Variants in GALNT13 observed in about 807,000 individuals in gnomAD.
GALNT13 encodes UDP-GalNAc:polypeptide N-acetylgalactosaminyltransferase 13.
In GALNT13, 28 loss-of-function variants were observed where a neutral mutation model predicts 64.2. The observed-to-expected ratio is 0.44, with a 90% CI of 0.32 to 0.60. GALNT13 has a LOEUF of 0.60. Ranked by LOEUF, GALNT13 falls within the 20% of genes least tolerant of loss-of-function variation. The probability of loss-of-function intolerance (pLI) is 0.05; values close to 1 mark genes in which losing one functional copy is unlikely to be tolerated. For synonymous variants in GALNT13, 214 were observed against 224.6 expected, an observed-to-expected ratio of 0.95 and a Z score of 0.42; for missense variants, 577 against 669.8, an observed-to-expected ratio of 0.86 and a Z score of 1.53.
the GALNT13 span, among the ~76,000 whole-genome samples, chr2:153,227,173 G>C: frequency 6.6e-6 from 1 of 152,186 alleles, no homozygotes; most frequent in Admixed American, 6.5e-5. Context: ...ATTTGCCAGA[G>C]GGAATGAAGA....
intron 4 of GALNT13, among the ~76,000 whole-genome samples, chr2:154,163,190 T>G (rs575015765): frequency 7.3e-6 from 1 of 136,260 alleles, no homozygotes. Flanking sequence ...GGTCCATGTG[T>G]TCTCATTGTT....
At chr2:154,415,200 CATTT>C (rs1276498504) in intron 11 of GALNT13, among the ~76,000 whole-genome samples, 1 of 151,134 alleles carries the variant, frequency 6.6e-6, no homozygotes, top group Admixed American at 6.6e-5. Flanking sequence ...ATTAACATAA[CATTT>C]ATAACATAAA....
chr2:154,362,607 A>G (rs183468876), intron 9 of GALNT13, among the ~76,000 whole-genome samples: 20 of 152,248 alleles, frequency 1.3e-4, no homozygotes, highest in Non-Finnish European at 2.5e-4. Flanking sequence ...CAAATGCAAG[A>G]GAAAACTTGA....
At chr2:153,753,816 A>G in the GALNT13 span, among the ~76,000 whole-genome samples, 1 of 152,168 alleles carries the variant, frequency 6.6e-6, no homozygotes, top group Non-Finnish European at 1.5e-5. Context: ...GTCCTGCAGG[A>G]CCTAGGCAGG....
chr2:153,116,859 G>A, the GALNT13 span, among the ~76,000 whole-genome samples: 7 of 148,940 alleles, frequency 4.7e-5, no homozygotes, highest in African/African-American at 1.7e-4. Flanking sequence ...GAGTGCAGGG[G>A]CGCGATCTTG....
intron 9 of GALNT13, among the ~76,000 whole-genome samples, chr2:154,304,452 G>A (rs1210442385): frequency 1.3e-5 from 2 of 152,200 alleles, no homozygotes; most frequent in African/African-American, 4.8e-5. Context: ...GGAAAAAAGT[G>A]TGTTATGTGT....
chr2:154,046,091 T>G (rs1164605864), intron 3 of GALNT13, among the ~76,000 whole-genome samples: 1 of 152,020 alleles, frequency 6.6e-6, no homozygotes, highest in Admixed American at 6.6e-5. Context: ...GAGGATCACT[T>G]GAGACCAGGA....
At chr2:153,804,844 T>C in the GALNT13 span, among the ~76,000 whole-genome samples, 1 of 152,126 alleles carries the variant, frequency 6.6e-6, no homozygotes, top group Non-Finnish European at 1.5e-5. Flanking sequence ...ATATAAAATA[T>C]GCAATTTTAC....
chr2:154,022,016 C>T (rs554242648), intron 3 of GALNT13, among the ~76,000 whole-genome samples: 44 of 152,176 alleles, frequency 2.9e-4, no homozygotes, highest in Non-Finnish European at 5.0e-4. Context: ...TATTGATTTG[C>T]GTATGTTGAA....
chr2:153,684,753 G>A, the GALNT13 span, among the ~76,000 whole-genome samples: 1 of 151,516 alleles, frequency 6.6e-6, no homozygotes, highest in Non-Finnish European at 1.5e-5. Flanking sequence ...CATCACCCAG[G>A]TATTAAGCCT....
the GALNT13 span, among the ~76,000 whole-genome samples, chr2:153,719,341 T>C: frequency 6.6e-6 from 1 of 152,210 alleles, no homozygotes; most frequent in East Asian, 1.9e-4. Flanking sequence ...AACATTTTCC[T>C]GAGGGCTACA....
intron 9 of GALNT13, among the ~76,000 whole-genome samples, chr2:154,376,586 A>G (rs2105322785): frequency 6.6e-6 from 1 of 152,276 alleles, no homozygotes; most frequent in South Asian, 2.1e-4. Context: ...TTAAATTTAT[A>G]TAGAAGTCAA....
intron 3 of GALNT13, among the ~76,000 whole-genome samples, chr2:154,133,538 A>G (rs1190142512): frequency 8.2e-4 from 8 of 9,698 alleles, no homozygotes; most frequent in East Asian, 3.3e-3. Context: ...ACCATTTTAT[A>G]TATATATATA....
the GALNT13 span, among the ~76,000 whole-genome samples, chr2:153,437,325 G>A: frequency 6.6e-6 from 1 of 152,178 alleles, no homozygotes; most frequent in Non-Finnish European, 1.5e-5. Context: ...GGAGAGTTCT[G>A]TAGATGTCTA....
intron 2 of GALNT13, among the ~76,000 whole-genome samples, chr2:153,912,264 A>G (rs1199379315): frequency 1.3e-5 from 2 of 152,028 alleles, no homozygotes; most frequent in Non-Finnish European, 2.9e-5. Context: ...GGTCAGCTTC[A>G]TGCTTTTCTA....
At chr2:154,365,748 ATATAAT>A (rs1697328924) in intron 9 of GALNT13, among the ~76,000 whole-genome samples, 1 of 152,186 alleles carries the variant, frequency 6.6e-6, no homozygotes, top group East Asian at 1.9e-4. Flanking sequence ...TACTCAGTAA[ATATAAT>A]TAGATTGATT....
chr2:153,121,176 T>TC, the GALNT13 span, among the ~76,000 whole-genome samples: 1 of 152,180 alleles, frequency 6.6e-6, no homozygotes, highest in African/African-American at 2.4e-5. Flanking sequence ...AGATAGACTT[T>TC]CCAAAGCTGA....
chr2:154,378,707 A>T (rs1698118722), intron 9 of GALNT13, among the ~76,000 whole-genome samples: 1 of 150,682 alleles, frequency 6.6e-6, no homozygotes, highest in African/African-American at 2.4e-5. Flanking sequence ...CTTCTATTAA[A>T]TTTTTTTTTT....
chr2:154,337,189 A>T (rs1695502048), intron 9 of GALNT13, among the ~76,000 whole-genome samples: 1 of 152,102 alleles, frequency 6.6e-6, no homozygotes, highest in Non-Finnish European at 1.5e-5. Flanking sequence ...GAATATAGTG[A>T]TGCAGGCTCA....
Sources: allele counts gnomAD v4.1 joint callset (sites outside exome capture counted in the v4.1 genomes callset), GRCh38; gene constraint gnomAD v4.1.1; transcripts MANE v1.5; gene names NCBI Gene and HGNC (gene_info 2026-07-23, HGNC 2026-07-21).